Variants in MAU2 observed in about 807,000 individuals in gnomAD.
The protein encoded by MAU2 is MAU2 sister chromatid cohesion factor.
Under a neutral mutation model 89.1 loss-of-function variants are expected in MAU2, and 9 were observed. That is an observed-to-expected ratio of 0.10 (90% CI 0.06 to 0.18). The LOEUF (loss-of-function observed/expected upper bound fraction) is 0.18, where lower values mean the gene tolerates loss of function less well. MAU2 is among the 10% of genes least tolerant of loss of function. The pLI is 1.00. For missense variants in MAU2, 425 were observed against 803.5 expected, an observed-to-expected ratio of 0.53 and a Z score of 5.69; for synonymous variants, 357 against 343.4, an observed-to-expected ratio of 1.04 and a Z score of -0.44.
At position 19,345,404 on chromosome 19, in the gene MAU2, G is replaced by A. The variant is rs1364081252; in HGVS notation, c.1221+35G>A. On this transcript the variant is annotated intron_variant, in intron 12 of 18. Coordinates refer to ENST00000262815, the MANE Select transcript of MAU2 (RefSeq NM_015329.4). The surrounding 1 kb of genome is among the most constrained non-coding windows in gnomAD (Gnocchi z 4.9). ...CGGCCCTCCTTGCTGCTCGGGGCGG[G>A]CCACACTTCTGAGTAAGGAGTCGGG... The A allele has an allele frequency of 1.2e-6, 2 of 1,607,260 alleles. No homozygotes were observed. Among genetic ancestry groups the A allele is most frequent in the South Asian group, 1.1e-5 (1 of 90,954 alleles).
At chr19:19,339,112 A>G (rs2061619908) in intron 5 of MAU2, among the ~76,000 whole-genome samples, 173 bp downstream of exon 5, 2 of 152,304 alleles carry the variant, frequency 1.3e-5, no homozygotes, top group South Asian at 4.1e-4. Flanking sequence ...CAGGAGTTCA[A>G]GACCAGCCTG....
intron 3 of MAU2, 61 bp downstream of exon 3, chr19:19,336,248 G>C: frequency 1.6e-6 from 2 of 1,276,350 alleles, no homozygotes; most frequent in South Asian, 2.5e-5. Context: ...AGACATGACA[G>C]CACATTGGTA....
At chr19:19,339,219 G>A (rs956722320) in intron 5 of MAU2, among the ~76,000 whole-genome samples, 4 of 152,168 alleles carry the variant, frequency 2.6e-5, no homozygotes, top group South Asian at 2.1e-4. Context: ...AGAGGCTAAC[G>A]TGGGAGGATC....
chr19:19,330,987 G>T (rs2061550925), intron 1 of MAU2, among the ~76,000 whole-genome samples: 1 of 152,076 alleles, frequency 6.6e-6, no homozygotes, highest in Non-Finnish European at 1.5e-5. Flanking sequence ...AATCCTCCAG[G>T]CACCAGAGCT....
At chr19:19,326,719 T>TATATGTGTGTATATATATATATAC (rs1327254833) in intron 1 of MAU2, among the ~76,000 whole-genome samples, 1 of 28,644 alleles carries the variant, frequency 3.5e-5, no homozygotes, top group African/African-American at 7.0e-5. Context: ...TATATATATA[T>TATATGTGTGTATATATATATATAC]ACATATATAT....
intron 1 of MAU2, among the ~76,000 whole-genome samples, chr19:19,326,706 A>ATATATATATACACGTATATATATATG (rs1555792839): frequency 1.1e-5 from 1 of 86,986 alleles, no homozygotes; most frequent in Non-Finnish European, 2.6e-5. Flanking sequence ...ATATATGTAT[A>ATATATATATACACGTATATATATATG]TATATATATA....
intron 1 of MAU2, among the ~76,000 whole-genome samples, chr19:19,326,719 T>TATATATGTGTATATATATATATCC (rs1327254833): frequency 3.5e-5 from 1 of 28,644 alleles, no homozygotes; most frequent in African/African-American, 7.0e-5. Flanking sequence ...TATATATATA[T>TATATATGTGTATATATATATATCC]ACATATATAT....
At chr19:19,329,907 G>C (rs917396662) in intron 1 of MAU2, among the ~76,000 whole-genome samples, 1 of 152,058 alleles carries the variant, frequency 6.6e-6, no homozygotes, top group African/African-American at 2.4e-5. Flanking sequence ...AGTGAGCCAT[G>C]ATTGCACCAC....
intron 12 of MAU2, chr19:19,346,937 A>C (rs2061697968): frequency 4.1e-6 from 1 of 241,932 alleles, no homozygotes. Flanking sequence ...CCTGGGTCCC[A>C]CAGGTTGCTG....
chr19:19,334,954 G>C (rs1418870658), intron 1 of MAU2, among the ~76,000 whole-genome samples: 1 of 152,258 alleles, frequency 6.6e-6, no homozygotes. Flanking sequence ...CTCTGAATGT[G>C]TGTGGCACAT....
chr19:19,330,186 C>T (rs1034308354), intron 1 of MAU2, among the ~76,000 whole-genome samples: 6 of 151,618 alleles, frequency 4.0e-5, no homozygotes, highest in African/African-American at 1.4e-4. Flanking sequence ...TGCCATGTTG[C>T]CCAGGTTGGT....
chr19:19,327,995 C>CA (rs1234972007), intron 1 of MAU2, among the ~76,000 whole-genome samples: 6 of 151,824 alleles, frequency 4.0e-5, no homozygotes, highest in Admixed American at 4.0e-4. Context: ...CCTGTCTCTA[C>CA]AAAAAATTTG....
At chr19:19,340,456 G>A (rs1229634869) in intron 5 of MAU2, among the ~76,000 whole-genome samples, 8 of 151,816 alleles carry the variant, frequency 5.3e-5, no homozygotes, top group South Asian at 2.1e-4. Flanking sequence ...TGGCTAACAC[G>A]GTGAAATTCT....
intron 14 of MAU2, 39 bp from the exon 15 acceptor site, chr19:19,349,116 A>G (rs1442434244): frequency 2.5e-6 from 4 of 1,611,902 alleles, no homozygotes; most frequent in Non-Finnish European, 2.5e-6. Flanking sequence ...CCTGCTTCTC[A>G]AAATCACCAC....
intron 1 of MAU2, 51 bp downstream of exon 1, chr19:19,321,186 C>T (rs749912117): frequency 1.5e-5 from 22 of 1,509,962 alleles, no homozygotes; most frequent in Non-Finnish European, 1.9e-5. Flanking sequence ...CTTGCAAGAT[C>T]TGGGCTGACG....
At chr19:19,321,264 C>T in intron 1 of MAU2, 129 bp downstream of exon 1, 2 of 1,130,410 alleles carry the variant, frequency 1.8e-6, no homozygotes, top group East Asian at 3.0e-5. Context: ...GTCAAAGCCG[C>T]AGGACCCCCA....
chr19:19,337,428 A>G (rs989754571), intron 4 of MAU2, among the ~76,000 whole-genome samples, 163 bp downstream of exon 4: 1 of 152,228 alleles, frequency 6.6e-6, no homozygotes, highest in African/African-American at 2.4e-5. Context: ...ACCTGCACAC[A>G]AGCCCCTTTC....
At position 19,355,808 on chromosome 19, in the gene MAU2, G is replaced by T. The variant is rs376931630; in HGVS notation, c.*26G>T. 10 of 1,595,220 alleles carry T rather than the reference G, an allele frequency of 6.3e-6. No homozygotes were observed. The highest frequency in any genetic ancestry group is 5.0e-5 in the Admixed American group (3 of 60,006). On this transcript the variant is annotated 3_prime_UTR_variant, in exon 19 of 19. Transcript: ENST00000262815. The stretch of plus-strand genomic sequence containing the variant: ...GGCCTTGATGGGGCCATCCAGCTCC[G>T]CAGGGCCTGCGCGTCTCCGGCTTCC...
chr19:19,351,705 T>G (rs1376897029), intron 16 of MAU2, among the ~76,000 whole-genome samples: 2 of 151,982 alleles, frequency 1.3e-5, no homozygotes, highest in Non-Finnish European at 2.9e-5. Flanking sequence ...TTTTCTAGAT[T>G]ATAAAATATG....
Sources: gnomAD v4.1 joint callset for allele counts (sites outside exome capture counted in the v4.1 genomes callset) on GRCh38, gnomAD v4.1.1 for gene constraint, Gnocchi (gnomAD v3.1) non-coding constraint, MANE v1.5 for transcripts, NCBI Gene and HGNC (gene_info 2026-07-23, HGNC 2026-07-21) for gene names.